PHF3: variants seen among roughly 807,000 people sequenced by gnomAD.
PHF3 encodes the protein PHD finger protein 3.
PHF3 carries 41 observed loss-of-function variants against 178.4 expected under a neutral mutation model. That is an observed-to-expected ratio of 0.23 (90% CI 0.18 to 0.30). PHF3 has a LOEUF of 0.30. PHF3 is among the 10% of genes least tolerant of loss of function. The pLI is 1.00. For missense variants in PHF3, 2,346 were observed against 2,398.1 expected (o/e 0.98, Z 0.45); for synonymous variants, 842 against 800.5 (o/e 1.05, Z -0.88).
At chr6:63,697,802 T>C (rs1462645310) in intron 6 of PHF3, among the ~76,000 whole-genome samples, 4 of 152,110 alleles carry the variant, frequency 2.6e-5, no homozygotes, top group Non-Finnish European at 4.4e-5. Context: ...ATGTTTGACA[T>C]TGAGATTTTG....
At chr6:63,656,868 GTTGCCTGATACTTA>G (rs1369571763) in intron 2 of PHF3, among the ~76,000 whole-genome samples, 1 of 152,122 alleles carries the variant, frequency 6.6e-6, no homozygotes, top group Non-Finnish European at 1.5e-5. Flanking sequence ...TTGCTGCTGT[GTTGCCTGATACTTA>G]TATAAGGCTT....
In PHF3 at chr6:63,671,431, C is replaced by T. The variant is rs116625116; in HGVS notation, c.245-8569C>T. Reference sequence around the variant, plus strand: ...AGAAACACGATTACTTTTGTGTCAGCCTAGTAAATTGTAAGGTGATAGAAA... The same window carrying T: ...AGAAACACGATTACTTTTGTGTCAGTCTAGTAAATTGTAAGGTGATAGAAA... On this transcript the variant is annotated intron_variant, in intron 2 of 15. Transcript: ENST00000262043. 1.4e-3 allele frequency among the ~76,000 whole-genome samples: 209 copies of T among 152,190 alleles called. 1 individual carries two copies. Among genetic ancestry groups the T allele is most frequent in the African/African-American group, 4.8e-3 (198 of 41,508 alleles).
intron 12 of PHF3, 82 bp downstream of exon 12, chr6:63,706,306 A>G (rs1242386708): frequency 9.0e-7 from 1 of 1,110,524 alleles, no homozygotes; most frequent in Non-Finnish European, 1.3e-6. Flanking sequence ...AAAACAGAAA[A>G]GTGACATTTT....
At chr6:63,698,168 A>T in intron 6 of PHF3, 55 bp from the exon 7 acceptor site, 1 of 1,417,436 alleles carries the variant, frequency 7.1e-7, no homozygotes, top group Non-Finnish European at 9.8e-7. Flanking sequence ...ATTCATTAAA[A>T]AGGAAAGATA....
At chr6:63,690,237 A>G (rs1285599053) in intron 4 of PHF3, among the ~76,000 whole-genome samples, 2 of 152,104 alleles carry the variant, frequency 1.3e-5, no homozygotes, top group Admixed American at 6.5e-5. Context: ...AATATTCTAT[A>G]TTATTTTTTT....
chr6:63,658,708 TTGTGTGTGTGTGTG>T lies in PHF3; in HGVS notation c.244+11949_244+11962del, dbSNP rs3071174. On this transcript the variant is annotated intron_variant, in intron 2 of 15. Transcript: ENST00000262043. Reference sequence around the variant, plus strand: ...TCCAGAGAAACAGAACCAATAGATTTTGTGTGTGTGTGTGTGTGTGTGTGTGTGTGTGTGTGTGT... The same window carrying T: ...TCCAGAGAAACAGAACCAATAGATTTTGTGTGTGTGTGTGTGTGTGTGTGT... Among the ~76,000 whole-genome samples, 1,071 of 145,300 alleles carry T rather than the reference TTGTGTGTGTGTGTG, an allele frequency of 7.4e-3. 14 individuals carry two copies. Among genetic ancestry groups the T allele is most frequent in the African/African-American group, 0.024 (952 of 39,342 alleles).
chr6:63,636,205 T>G, intron 1 of PHF3, 55 bp downstream of exon 1: 1 of 355,638 alleles, frequency 2.8e-6, no homozygotes. Context: ...CCCTCCCCCA[T>G]CCCCTTCCAC....
rs149596180 is a variant in PHF3 at position 63,706,807 on chromosome 6, C to T, written c.3642C>T (p.Asn1214=). 37 of 1,613,894 alleles carry T rather than the reference C, an allele frequency of 2.3e-5. No individual in the cohort carries two copies. Among genetic ancestry groups the T allele is most frequent in the Non-Finnish European group, 2.9e-5 (34 of 1,179,900 alleles). ...RLNFIWKGFI[N]MPSVAKFVTK... ...ACTTCATCTGGAAAGGTTTTATCAA[C>T]ATGCCTTCTGTGGCAAAATTTGTTA... is the stretch of plus-strand genomic sequence containing the variant. The change falls in exon 13 of 16, where the codon AAC becomes AAT. Residue 1214 remains asparagine (N), a synonymous_variant. Coordinates refer to ENST00000262043, the MANE Select transcript of PHF3 (RefSeq NM_001370348.2).
Position 63,713,346 on chromosome 6 carries a change from C to A in PHF3, c.5758C>A (p.Arg1920Ser). 1 of 1,613,844 alleles carries A rather than the reference C, an allele frequency of 6.2e-7. No homozygotes were observed. Residue 1920 changes from arginine to serine, a missense_variant, in exon 16 of 16, where the codon CGC (arginine) becomes AGC (serine). Physicochemically the swap from Arg to Ser is moderately radical, Grantham distance 110. Coordinates refer to ENST00000262043, the MANE Select transcript of PHF3 (RefSeq NM_001370348.2). ...DRPFNRGKGDRQRFYSDSHHL... is the reference protein window; with the variant it reads ...DRPFNRGKGDSQRFYSDSHHL... ...GCCATTTAATAGGGGTAAAGGGGAC[C>A]GCCAGAGATTTTATAGTGATTCACA...
intron 3 of PHF3, among the ~76,000 whole-genome samples, chr6:63,680,745 C>T (rs1025304721): frequency 3.3e-5 from 5 of 151,852 alleles, no homozygotes; most frequent in Admixed American, 6.6e-5. Flanking sequence ...CTAAATCTAC[C>T]CTAAAGATAT....
intron 4 of PHF3, among the ~76,000 whole-genome samples, chr6:63,690,441 C>T (rs1043710492): frequency 6.6e-6 from 1 of 152,082 alleles, no homozygotes; most frequent in Non-Finnish European, 1.5e-5. Flanking sequence ...AGGTATTTGG[C>T]AAGACTTTAA....
Position 63,691,909 on chromosome 6 carries a change from C to A in PHF3, c.2362C>A (p.Gln788Lys), listed in dbSNP as rs1378398609. Reference sequence around the variant, plus strand: ...ACTAGATCCAGATACTTTGGAAAACCAAGCTACAGTTGAATTCCATAGTGG... The same window carrying A: ...ACTAGATCCAGATACTTTGGAAAACAAAGCTACAGTTGAATTCCATAGTGG... ...EILDPDTLEN[Q>K]ATVEFHSGDK... Residue 788 changes from glutamine to lysine, a missense_variant, in exon 5 of 16, where the codon CAA (glutamine) becomes AAA (lysine). This residue lies in a region of PHF3 where 252 missense variants were observed against 232.0 expected (regional missense o/e 1.09). Transcript: ENST00000262043. 1 of 1,613,186 alleles carries A rather than the reference C, an allele frequency of 6.2e-7. No homozygotes were observed. Among genetic ancestry groups the A allele is most frequent in the Non-Finnish European group, 8.5e-7 (1 of 1,179,776 alleles).
At chr6:63,668,363 G>T (rs115239983) in intron 2 of PHF3, among the ~76,000 whole-genome samples, 52 of 151,970 alleles carry the variant, frequency 3.4e-4, no homozygotes, top group African/African-American at 1.3e-3. Flanking sequence ...TTTGAGACAG[G>T]CTCTCTATTG....
intron 2 of PHF3, among the ~76,000 whole-genome samples, chr6:63,666,974 A>G (rs1270015084): frequency 6.6e-6 from 1 of 150,668 alleles, no homozygotes; most frequent in Admixed American, 6.6e-5. Flanking sequence ...CTGGTCTTGA[A>G]CTCCTGACCT....
In PHF3 at chr6:63,711,371, A is replaced by C. The variant is rs1221529663; in HGVS notation, c.3997+9A>C. On this transcript the variant is annotated intron_variant, in intron 15 of 15. Coordinates refer to ENST00000262043, the MANE Select transcript of PHF3 (RefSeq NM_001370348.2). ...GCCTTTTGATGGACCTGGTAGGTAT[A>C]CGTTTTAATAATAGGATAAGAATGA... is the stretch of plus-strand genomic sequence containing the variant. 2 of 1,582,110 alleles carry C rather than the reference A, an allele frequency of 1.3e-6. No homozygotes were observed. Among genetic ancestry groups the C allele is most frequent in the Non-Finnish European group, 1.7e-6 (2 of 1,161,456 alleles).
At chr6:63,703,176 C>A (rs957326320) in intron 10 of PHF3, among the ~76,000 whole-genome samples, 4 of 152,106 alleles carry the variant, frequency 2.6e-5, no homozygotes, top group South Asian at 2.1e-4. Flanking sequence ...CCGTGCCTGG[C>A]CTGACTTAGT....
chr6:63,707,475 G>A (rs976604554), intron 13 of PHF3, among the ~76,000 whole-genome samples: 3 of 152,158 alleles, frequency 2.0e-5, no homozygotes, highest in Non-Finnish European at 2.9e-5. Context: ...ATAAGCAGCA[G>A]TAACATTATA....
chr6:63,704,186 G>C (rs148847616), intron 11 of PHF3, among the ~76,000 whole-genome samples: 2,416 of 152,160 alleles, frequency 0.016, 31 homozygotes, highest in Non-Finnish European at 0.028. Flanking sequence ...TCCACTGTTA[G>C]CAACATCCCA....
chr6:63,700,350 ATAT>A lies in PHF3; in HGVS notation c.2988_2990del (p.Leu996del). On this transcript the variant is annotated inframe_deletion and splice_region_variant, in exon 9 of 16. Coordinates refer to ENST00000262043, the MANE Select transcript of PHF3 (RefSeq NM_001370348.2). Reference sequence around the variant, plus strand: ...TATTCCTATTTTAAAATCCTTCCAGATATTATTTAAAAAAGTACTGAAAGGAGA... The same window carrying A: ...TATTCCTATTTTAAAATCCTTCCAGATATTTAAAAAAGTACTGAAAGGAGA... 1 of 1,435,500 alleles carries A rather than the reference ATAT, an allele frequency of 7.0e-7. No homozygotes were observed. Among genetic ancestry groups the A allele is most frequent in the Non-Finnish European group, 9.7e-7 (1 of 1,028,284 alleles). 88.9% of individuals were successfully genotyped at this position (1,435,500 alleles called of 1,614,324 possible).
Sources: gnomAD v4.1 joint callset for allele counts (sites outside exome capture counted in the v4.1 genomes callset) on GRCh38, gnomAD v4.1.1 for gene constraint, gnomAD v4.1.1 regional missense constraint, MANE v1.5 for transcripts, NCBI Gene and HGNC (gene_info 2026-07-23, HGNC 2026-07-21) for gene names.